The following DPYD variants were observed in gnomAD, a reference collection of about 807,000 sequenced individuals.
The protein encoded by DPYD is dihydropyrimidine dehydrogenase [NADP(+)].
In DPYD, 109 loss-of-function variants were observed where a neutral mutation model predicts 116.2. The observed-to-expected ratio is 0.94, with a 90% CI of 0.80 to 1.10. The LOEUF is 1.10. DPYD is among the 50% of genes least tolerant of loss of function. DPYD has a pLI of 0.00. For synonymous variants in DPYD, 440 were observed against 432.0 expected, an observed-to-expected ratio of 1.02 and a Z score of -0.23; for missense variants, 1,302 against 1,254.5, an observed-to-expected ratio of 1.04 and a Z score of -0.57.
chr1:97,218,163 C>A (rs79391095), intron 19 of DPYD, among the ~76,000 whole-genome samples: 4,029 of 152,124 alleles, frequency 0.026, 180 homozygotes, highest in African/African-American at 0.092. Flanking sequence ...TTAGGATGAA[C>A]TGAGATTTTT....
At chr1:97,411,520 G>T (rs1416889832) in intron 14 of DPYD, among the ~76,000 whole-genome samples, 1 of 144,840 alleles carries the variant, frequency 6.9e-6, no homozygotes, top group African/African-American at 2.5e-5. Flanking sequence ...AACAACAATA[G>T]AAAAAAAAAA....
At chr1:97,604,349 AG>A (rs1346710831) in intron 8 of DPYD, among the ~76,000 whole-genome samples, 1 of 152,172 alleles carries the variant, frequency 6.6e-6, no homozygotes, top group African/African-American at 2.4e-5. Flanking sequence ...AGCATAAAAT[AG>A]CTCTGTCATA....
chr1:97,448,163 G>A (rs565101102), intron 14 of DPYD, among the ~76,000 whole-genome samples: 1 of 152,230 alleles, frequency 6.6e-6, no homozygotes, highest in African/African-American at 2.4e-5. Flanking sequence ...GCTGCAGCGA[G>A]CCATGATGGC....
intron 7 of DPYD, among the ~76,000 whole-genome samples, chr1:97,690,547 G>T (rs1045840709): frequency 2.0e-5 from 3 of 151,890 alleles, no homozygotes; most frequent in African/African-American, 4.8e-5. Context: ...CATTTCCCAT[G>T]TCTTTGTGTT....
At chr1:97,256,936 C>T (rs935634807) in intron 18 of DPYD, among the ~76,000 whole-genome samples, 7 of 151,954 alleles carry the variant, frequency 4.6e-5, no homozygotes, top group African/African-American at 1.7e-4. Context: ...ATATCTACAC[C>T]CTTCCTCTGC....
At chr1:97,765,993 C>CA (rs1665830799) in intron 3 of DPYD, among the ~76,000 whole-genome samples, 1 of 152,114 alleles carries the variant, frequency 6.6e-6, no homozygotes, top group Non-Finnish European at 1.5e-5. Context: ...CCTATAATCG[C>CA]AGCACTTCAG....
At chr1:97,313,157 A>G (rs957545378) in intron 16 of DPYD, among the ~76,000 whole-genome samples, 1 of 151,900 alleles carries the variant, frequency 6.6e-6, no homozygotes, top group Non-Finnish European at 1.5e-5. Flanking sequence ...AGCTTATTTC[A>G]GAGCATGTAG....
At chr1:97,677,048 A>C (rs1373873436) in intron 8 of DPYD, among the ~76,000 whole-genome samples, 1 of 152,216 alleles carries the variant, frequency 6.6e-6, no homozygotes, top group East Asian at 1.9e-4. Context: ...GCATTATCAA[A>C]TAATATACTT....
chr1:97,536,963 G>T (rs186534534), intron 12 of DPYD, among the ~76,000 whole-genome samples: 1 of 152,102 alleles, frequency 6.6e-6, no homozygotes, highest in Non-Finnish European at 1.5e-5. Flanking sequence ...TCTAATTCTC[G>T]AATCATAGTT....
intron 14 of DPYD, among the ~76,000 whole-genome samples, chr1:97,398,198 T>C (rs1454763544): frequency 1.3e-5 from 2 of 152,108 alleles, no homozygotes; most frequent in African/African-American, 4.8e-5. Flanking sequence ...CATGCGGTGT[T>C]TGGATTTCTG....
chr1:97,471,762 G>C (rs1455506343), intron 13 of DPYD, among the ~76,000 whole-genome samples: 1 of 151,920 alleles, frequency 6.6e-6, no homozygotes, highest in East Asian at 1.9e-4. Context: ...GCTAATTTTT[G>C]TATTTTTAGT....
At chr1:97,622,674 A>G (rs973864378) in intron 8 of DPYD, among the ~76,000 whole-genome samples, 1 of 152,010 alleles carries the variant, frequency 6.6e-6, no homozygotes, top group Non-Finnish European at 1.5e-5. Flanking sequence ...CTGAATGTGG[A>G]CTCCAGCGAT....
intron 14 of DPYD, among the ~76,000 whole-genome samples, chr1:97,447,678 T>C (rs1676165798): frequency 1.3e-5 from 2 of 152,046 alleles, no homozygotes; most frequent in South Asian, 4.1e-4. Flanking sequence ...GTCTCTTCTT[T>C]CTACTCAACT....
intron 14 of DPYD, among the ~76,000 whole-genome samples, chr1:97,427,347 T>C (rs752968137): frequency 5.3e-5 from 8 of 152,028 alleles, no homozygotes; most frequent in Non-Finnish European, 1.2e-4. Context: ...AACCTACTCT[T>C]ATTTCTGCCT....
chr1:97,129,716 C>A (rs1434416020), intron 20 of DPYD, among the ~76,000 whole-genome samples: 2 of 152,146 alleles, frequency 1.3e-5, no homozygotes, highest in Non-Finnish European at 2.9e-5. Context: ...TAACATGCCA[C>A]CACAAGATGG....
At chr1:97,346,264 C>T (rs1304452573) in intron 16 of DPYD, among the ~76,000 whole-genome samples, 5 of 151,606 alleles carry the variant, frequency 3.3e-5, no homozygotes, top group Admixed American at 2.6e-4. Context: ...GTCTTTTTAT[C>T]TCTTCTACCA....
chr1:97,140,630 A>T (rs926398725), intron 20 of DPYD, among the ~76,000 whole-genome samples: 34 of 152,264 alleles, frequency 2.2e-4, no homozygotes, highest in Admixed American at 1.8e-3. Flanking sequence ...AGTGGAGAAG[A>T]AGGATGGGAG....
intron 3 of DPYD, among the ~76,000 whole-genome samples, chr1:97,744,252 C>G (rs1002253698): frequency 6.6e-6 from 1 of 152,000 alleles, no homozygotes; most frequent in Non-Finnish European, 1.5e-5. Flanking sequence ...GACAGTTTGA[C>G]TCCATAGTAT....
chr1:97,487,184 A>T (rs563380507), intron 13 of DPYD, among the ~76,000 whole-genome samples: 4 of 152,280 alleles, frequency 2.6e-5, no homozygotes, highest in African/African-American at 9.6e-5. Context: ...ATATCCACAC[A>T]ATGGAGAATT....
Sources: allele counts gnomAD v4.1 joint callset (sites outside exome capture counted in the v4.1 genomes callset), GRCh38; gene constraint gnomAD v4.1.1; transcripts MANE v1.5; gene names NCBI Gene and HGNC (gene_info 2026-07-23, HGNC 2026-07-21).